CACNA1D: variants seen among roughly 807,000 people sequenced by gnomAD.
CACNA1D encodes calcium voltage-gated channel subunit alpha1 D.
CACNA1D carries 55 observed loss-of-function variants against 257.1 expected under a neutral mutation model. That is an observed-to-expected ratio of 0.21 (90% confidence interval 0.17 to 0.27). The LOEUF (loss-of-function observed/expected upper bound fraction) is 0.27, where lower values mean the gene tolerates loss of function less well. Ranked by LOEUF, CACNA1D falls within the 10% of genes least tolerant of loss-of-function variation. The probability of loss-of-function intolerance (pLI) is 1.00; values close to 1 mark genes in which losing one functional copy is unlikely to be tolerated. For missense variants in CACNA1D, 1,876 were observed against 2,784.0 expected (o/e 0.67, Z 7.34); for synonymous variants, 980 against 1,014.9 (o/e 0.97, Z 0.65).
chr3:53,562,157 A>G (rs13100574), intron 3 of CACNA1D, among the ~76,000 whole-genome samples: 20,290 of 152,170 alleles, frequency 0.13, 1,549 homozygotes, highest in Middle Eastern at 0.16. Flanking sequence ...CTCTCTTGAG[A>G]GTATTTAGAA....
intron 3 of CACNA1D, among the ~76,000 whole-genome samples, chr3:53,523,700 C>T (rs897729051): frequency 3.3e-5 from 5 of 152,188 alleles, no homozygotes; most frequent in Non-Finnish European, 5.9e-5. Context: ...CCTTCAGGCC[C>T]CCCTTTGCCA....
In CACNA1D at chr3:53,556,527, G is replaced by A. The variant is rs994448387; in HGVS notation, c.483+54807G>A. On this transcript the variant is annotated intron_variant, in intron 3 of 47. Transcript: ENST00000350061. ...GTTATGTTATTTCATGCGCTTATTTGCCACCTGTTTATTATTATTTTGGTG... is the reference window on the plus strand; with the variant it reads ...GTTATGTTATTTCATGCGCTTATTTACCACCTGTTTATTATTATTTTGGTG... 5.9e-5 allele frequency among the ~76,000 whole-genome samples: 9 copies of A among 151,972 alleles called. No individual in the cohort carries two copies. In the East Asian group the frequency reaches 1.4e-3, roughly 23 times the overall value.
intron 40 of CACNA1D, among the ~76,000 whole-genome samples, chr3:53,787,500 T>C (rs902422311): frequency 6.6e-6 from 1 of 150,574 alleles, no homozygotes; most frequent in African/African-American, 2.5e-5. Flanking sequence ...TGTCTCCTGA[T>C]GGCCAGGAGG....
chr3:53,559,343 G>A lies in CACNA1D; in HGVS notation c.483+57623G>A, dbSNP rs142817526. Among the ~76,000 whole-genome samples, 250 of 152,200 alleles carry A rather than the reference G, an allele frequency of 1.6e-3. 1 individual carries two copies. Among genetic ancestry groups the A allele is most frequent in the African/African-American group, 5.3e-3 (219 of 41,536 alleles). On this transcript the variant is annotated intron_variant, in intron 3 of 47. Transcript: ENST00000350061. The stretch of plus-strand genomic sequence containing the variant: ...ATCTTGGGGTTGGTGTCTTTTGATT[G>A]TCTTTTTCCTTGCAAATTGAGAGTT...
intron 3 of CACNA1D, among the ~76,000 whole-genome samples, chr3:53,633,064 G>T (rs1156362248): frequency 6.6e-6 from 1 of 152,232 alleles, no homozygotes; most frequent in African/African-American, 2.4e-5. Flanking sequence ...TGCATTGTCT[G>T]TGAAGCTCAA....
intron 4 of CACNA1D, among the ~76,000 whole-genome samples, chr3:53,658,592 A>T (rs145075916): frequency 2.6e-5 from 4 of 152,384 alleles, no homozygotes; most frequent in South Asian, 4.1e-4. Context: ...CTTTGGGGTG[A>T]AAATTCCTGT....
In CACNA1D at chr3:53,594,893, G is replaced by C. The variant is rs185976468; in HGVS notation, c.484-55886G>C. Reference sequence around the variant, plus strand: ...CAGAGCATCAGAAATAAAGTCCCTTGAGACTTGCAGATTGAGGAAAAAATG... The same window carrying C: ...CAGAGCATCAGAAATAAAGTCCCTTCAGACTTGCAGATTGAGGAAAAAATG... On this transcript the variant is annotated intron_variant, in intron 3 of 47. Transcript: ENST00000350061. 2.9e-3 allele frequency among the ~76,000 whole-genome samples: 436 copies of C among 152,336 alleles called. 5 individuals are homozygous for C. Among genetic ancestry groups the C allele is most frequent in the African/African-American group, 9.8e-3 (409 of 41,584 alleles).
At chr3:53,799,533 GCTGATAAGCCACTTTCAGTTTGT>G (rs1287258817) in intron 40 of CACNA1D, among the ~76,000 whole-genome samples, 1 of 152,208 alleles carries the variant, frequency 6.6e-6, no homozygotes, top group Non-Finnish European at 1.5e-5. Context: ...GCCTGCAAAG[GCTGATAAGCCACTTTCAGTTTGT>G]TGTGATCTTC....
At chr3:53,611,255 T>A (rs1233909759) in intron 3 of CACNA1D, among the ~76,000 whole-genome samples, 1 of 152,146 alleles carries the variant, frequency 6.6e-6, no homozygotes, top group Non-Finnish European at 1.5e-5. Flanking sequence ...GATGGTGGCA[T>A]GTGCCTGTAA....
At chr3:53,509,041 G>A (rs2090990637) in intron 3 of CACNA1D, among the ~76,000 whole-genome samples, 1 of 152,204 alleles carries the variant, frequency 6.6e-6, no homozygotes, top group Admixed American at 6.5e-5. Flanking sequence ...TACAGGATGT[G>A]GTCCTCAAGT....
At chr3:53,754,918 T>C (rs2095253373) in intron 29 of CACNA1D, among the ~76,000 whole-genome samples, 1 of 152,226 alleles carries the variant, frequency 6.6e-6, no homozygotes, top group Admixed American at 6.5e-5. Context: ...TTATCAGATC[T>C]TTGTGGACCA....
At chr3:53,784,174 G>A (rs530149621) in intron 39 of CACNA1D, among the ~76,000 whole-genome samples, 7 of 152,296 alleles carry the variant, frequency 4.6e-5, no homozygotes, top group Admixed American at 1.3e-4. Flanking sequence ...GTGCTGAGCC[G>A]CCTCATCTCT....
intron 3 of CACNA1D, among the ~76,000 whole-genome samples, chr3:53,613,557 TG>T (rs1456397336): frequency 1.3e-5 from 2 of 152,192 alleles, no homozygotes; most frequent in African/African-American, 4.8e-5. Flanking sequence ...TGTGTGTGTG[TG>T]TGTGTGTATG....
chr3:53,660,391 T>C (rs2094191917), intron 5 of CACNA1D, 116 bp downstream of exon 5: 2 of 919,626 alleles, frequency 2.2e-6, no homozygotes, highest in African/African-American at 3.2e-5. Flanking sequence ...GGTCAGCAGA[T>C]GACCATGGCC....
At chr3:53,575,239 G>C (rs919049652) in intron 3 of CACNA1D, among the ~76,000 whole-genome samples, 13 of 152,342 alleles carry the variant, frequency 8.5e-5, no homozygotes, top group Admixed American at 8.5e-4. Context: ...GGAGCTTGGA[G>C]GAAAAGAGAA....
chr3:53,651,340 A>G (rs1268312520), intron 4 of CACNA1D, among the ~76,000 whole-genome samples: 1 of 141,334 alleles, frequency 7.1e-6, no homozygotes, highest in Non-Finnish European at 1.5e-5. Flanking sequence ...GCTATTTAAC[A>G]TCCCTTGAGC....
At chr3:53,669,530 G>C (rs1386740074) in intron 7 of CACNA1D, among the ~76,000 whole-genome samples, 1 of 152,316 alleles carries the variant, frequency 6.6e-6, no homozygotes, top group East Asian at 1.9e-4. Context: ...AAGTCTTTGC[G>C]GGTCATTGTT....
intron 3 of CACNA1D, among the ~76,000 whole-genome samples, chr3:53,576,373 A>G (rs536937578): frequency 6.6e-6 from 1 of 152,338 alleles, no homozygotes; most frequent in South Asian, 2.1e-4. Flanking sequence ...GGATTTAAAT[A>G]AAGTTCAGTC....
At chr3:53,738,817 A>C (rs1237512755) in intron 20 of CACNA1D, among the ~76,000 whole-genome samples, 1 of 151,896 alleles carries the variant, frequency 6.6e-6, no homozygotes, top group Non-Finnish European at 1.5e-5. Context: ...CTTAAATTTC[A>C]ACTTCAGCCC....
Sources: gnomAD v4.1 joint callset for allele counts (sites outside exome capture counted in the v4.1 genomes callset) on GRCh38, gnomAD v4.1.1 for gene constraint, MANE v1.5 for transcripts, NCBI Gene and HGNC (gene_info 2026-07-23, HGNC 2026-07-21) for gene names.